Variants in GDA observed in about 807,000 individuals in gnomAD.
GDA encodes the protein guanine deaminase, also known as cytoplasmic PSD-95 interactor.
In GDA, 18 loss-of-function variants were observed where a neutral mutation model predicts 59.6. The observed-to-expected ratio is 0.30, with a 90% CI of 0.21 to 0.45. The LOEUF (loss-of-function observed/expected upper bound fraction) is 0.45, where lower values mean the gene tolerates loss of function less well. Ranked by LOEUF, GDA falls within the 20% of genes least tolerant of loss-of-function variation. The pLI, the probability that GDA is intolerant of heterozygous loss-of-function variation, is 1.00. For synonymous variants in GDA, 201 were observed against 201.1 expected (o/e 1.00, Z 0.00); for missense variants, 427 against 552.3 (o/e 0.77, Z 2.27).
At chr9:72,120,193 T>C in intron 1 of GDA, among the ~76,000 whole-genome samples, 1 of 69,122 alleles carries the variant, frequency 1.4e-5, no homozygotes, top group East Asian at 2.9e-4. Context: ...GCAGCATTCT[T>C]TTTTTTTTTT....
At chr9:72,219,593 T>C in intron 6 of GDA, 87 bp downstream of exon 6, 2 of 909,138 alleles carry the variant, frequency 2.2e-6, no homozygotes, top group Non-Finnish European at 3.5e-6. Flanking sequence ...GATTAGTCTG[T>C]GTACGACTGG....
intron 1 of GDA, among the ~76,000 whole-genome samples, chr9:72,162,849 G>A (rs1256294302): frequency 6.6e-6 from 1 of 152,148 alleles, no homozygotes; most frequent in Non-Finnish European, 1.5e-5. Flanking sequence ...AGTAGAGACA[G>A]GGTTTCACCG....
At chr9:72,122,812 C>T (rs570977510) in intron 1 of GDA, among the ~76,000 whole-genome samples, 1 of 152,184 alleles carries the variant, frequency 6.6e-6, no homozygotes, top group East Asian at 1.9e-4. Flanking sequence ...TATCATTTCC[C>T]TTTTTTGTAG....
intron 1 of GDA, among the ~76,000 whole-genome samples, chr9:72,166,008 T>C (rs915707504): frequency 3.3e-5 from 5 of 152,120 alleles, no homozygotes; most frequent in Admixed American, 3.3e-4. Context: ...TGTTCTTCCC[T>C]TCTGGGTGAA....
intron 3 of GDA, among the ~76,000 whole-genome samples, chr9:72,210,328 T>A (rs1369435815): frequency 6.6e-6 from 1 of 152,242 alleles, no homozygotes; most frequent in African/African-American, 2.4e-5. Context: ...AAAGTCTGGC[T>A]GAATATTTTT....
At chr9:72,203,549 G>A (rs532796145) in intron 3 of GDA, among the ~76,000 whole-genome samples, 1 of 152,304 alleles carries the variant, frequency 6.6e-6, no homozygotes, top group African/African-American at 2.4e-5. Context: ...CCCAGAACCA[G>A]AATCTACTCA....
chr9:72,152,352 C>T (rs1013017383), intron 1 of GDA, among the ~76,000 whole-genome samples: 1 of 152,188 alleles, frequency 6.6e-6, no homozygotes, highest in African/African-American at 2.4e-5. Context: ...TAAATTAAAG[C>T]TCATTCAAAA....
At chr9:72,167,918 G>T (rs1254825732) in intron 1 of GDA, among the ~76,000 whole-genome samples, 12 of 152,198 alleles carry the variant, frequency 7.9e-5, no homozygotes, top group Non-Finnish European at 1.8e-4. Flanking sequence ...AGGAAGATGT[G>T]CACCTATCAA....
chr9:72,149,794 G>A, intron 1 of GDA, 112 bp downstream of exon 1: 1 of 1,131,934 alleles, frequency 8.8e-7, no homozygotes, highest in Non-Finnish European at 1.2e-6. Flanking sequence ...TGAGCGCCGC[G>A]GCTCCGGAGT....
At chr9:72,224,773 C>T (rs10781090) in intron 7 of GDA, among the ~76,000 whole-genome samples, 70,004 of 150,052 alleles carry the variant, frequency 0.47, 16,344 homozygotes, top group Middle Eastern at 0.56. Context: ...TATTCAGTGC[C>T]GAGAGAATTT....
intron 12 of GDA, 25 bp from the exon 13 acceptor site, chr9:72,247,381 T>A (rs542788859): frequency 1.4e-5 from 19 of 1,395,964 alleles, no homozygotes; most frequent in Admixed American, 3.3e-5. Flanking sequence ...TGAGTCTTTC[T>A]TATTACTTTT....
intron 2 of GDA, among the ~76,000 whole-genome samples, chr9:72,196,663 T>C (rs1030668157): frequency 6.6e-6 from 1 of 152,146 alleles, no homozygotes; most frequent in Non-Finnish European, 1.5e-5. Context: ...CCATGGTGGT[T>C]TGCTGCACCT....
intron 1 of GDA, among the ~76,000 whole-genome samples, chr9:72,150,622 C>A (rs913074332): frequency 6.6e-6 from 1 of 152,092 alleles, no homozygotes; most frequent in African/African-American, 2.4e-5. Context: ...GAGCTGTTTT[C>A]CAACTACTGG....
At chr9:72,155,663 T>G (rs1827807205) in intron 1 of GDA, among the ~76,000 whole-genome samples, 1 of 152,182 alleles carries the variant, frequency 6.6e-6, no homozygotes, top group South Asian at 2.1e-4. Context: ...GATTATATTT[T>G]GTGGTTATAA....
chr9:72,241,279 T>C lies in GDA; in HGVS notation c.1116T>C (p.Ala372=), dbSNP rs1485242417. 1.9e-6 allele frequency: 3 copies of C among 1,603,994 alleles called. No homozygotes were observed. The highest frequency in any genetic ancestry group is 2.6e-6 in the Non-Finnish European group (3 of 1,172,572). ...CCCTCAAAGAAGTCTTCAGACTAGC[T>C]ACTCTTGGAGGAAGCCAAGGTAATG... The part of the protein sequence containing the change: ...SLTLKEVFRL[A]TLGGSQALGL... The change falls in exon 11 of 14, where the codon GCT becomes GCC. Residue 372 remains alanine (A), a synonymous_variant. Transcript: ENST00000358399.
chr9:72,122,177 A>G (rs887997770), intron 1 of GDA, among the ~76,000 whole-genome samples: 9 of 152,168 alleles, frequency 5.9e-5, no homozygotes, highest in African/African-American at 2.2e-4. Context: ...ACTTTCAGAC[A>G]TGAGAATCTT....
intron 1 of GDA, among the ~76,000 whole-genome samples, chr9:72,118,047 C>T (rs1425375356): frequency 8.6e-5 from 13 of 151,548 alleles, no homozygotes; most frequent in East Asian, 1.9e-4. Context: ...CTGAGGCGGG[C>T]GGATCATGAG....
At chr9:72,128,128 T>C (rs181545747) in intron 1 of GDA, among the ~76,000 whole-genome samples, 1 of 152,350 alleles carries the variant, frequency 6.6e-6, no homozygotes, top group East Asian at 1.9e-4. Context: ...TGGCAAATTA[T>C]TTCATATCAG....
At chr9:72,228,330 G>A (rs1837866909) in intron 9 of GDA, 2 of 330,296 alleles carry the variant, frequency 6.1e-6, no homozygotes, top group African/African-American at 2.2e-5. Context: ...TGAAAGTACT[G>A]AAAGAACCCA....
Sources: allele counts gnomAD v4.1 joint callset (sites outside exome capture counted in the v4.1 genomes callset), GRCh38; gene constraint gnomAD v4.1.1; transcripts MANE v1.5; gene names NCBI Gene and HGNC (gene_info 2026-07-23, HGNC 2026-07-21).